Variants in FRMD6 observed in about 807,000 individuals in gnomAD.
FRMD6 encodes the protein FERM domain containing 6.
A neutral mutation model predicts 73.2 loss-of-function variants in FRMD6; 37 were observed. The ratio of observed to expected loss-of-function variants is 0.51; its 90% CI spans 0.39 to 0.66. The LOEUF is 0.66. Ranked by LOEUF, FRMD6 falls within the 30% of genes least tolerant of loss-of-function variation. The pLI is 0.00. For missense variants in FRMD6, 714 were observed against 780.5 expected (o/e 0.91, Z 1.02); for synonymous variants, 273 against 282.2 (o/e 0.97, Z 0.33).
At chr14:51,448,668 C>T in the FRMD6 span, among the ~76,000 whole-genome samples, 4 of 152,218 alleles carry the variant, frequency 2.6e-5, no homozygotes, top group Admixed American at 6.5e-5. Flanking sequence ...ACTGCTCTGT[C>T]TGTAGTTCAA....
At chr14:51,607,833 C>CTG (rs1890327428) in intron 2 of FRMD6, among the ~76,000 whole-genome samples, 1 of 152,250 alleles carries the variant, frequency 6.6e-6, no homozygotes, top group Non-Finnish European at 1.5e-5. Context: ...GAGTGCCACG[C>CTG]TGTGCTTGCG....
intron 1 of FRMD6, among the ~76,000 whole-genome samples, chr14:51,562,176 C>T (rs965455206): frequency 9.8e-5 from 15 of 152,328 alleles, no homozygotes; most frequent in African/African-American, 3.1e-4. Flanking sequence ...ATTTCTATCC[C>T]GCCCATCCCT....
intron 1 of FRMD6, among the ~76,000 whole-genome samples, chr14:51,660,471 T>C (rs1893139177): frequency 6.6e-6 from 1 of 152,082 alleles, no homozygotes; most frequent in Non-Finnish European, 1.5e-5. Context: ...ATGTGCAAGA[T>C]CTGGTAAAAA....
At chr14:51,629,132 C>G (rs578097388) in intron 2 of FRMD6, among the ~76,000 whole-genome samples, 5 of 152,180 alleles carry the variant, frequency 3.3e-5, no homozygotes, top group African/African-American at 7.2e-5. Context: ...GCCCGCCTCG[C>G]CCTCCCAAAG....
chr14:51,608,066 A>G (rs1890336890), intron 2 of FRMD6, among the ~76,000 whole-genome samples: 1 of 152,066 alleles, frequency 6.6e-6, no homozygotes, highest in Admixed American at 6.5e-5. Context: ...AAACCCAGCT[A>G]TTTACTCTCT....
chr14:51,648,300 C>T (rs1458488161), upstream of FRMD6, among the ~76,000 whole-genome samples: 3 of 152,120 alleles, frequency 2.0e-5, no homozygotes, highest in South Asian at 4.1e-4. Flanking sequence ...TGTACAAATA[C>T]CACCTACCAA....
chr14:51,422,125 A>G, the FRMD6 span, among the ~76,000 whole-genome samples: 1 of 152,224 alleles, frequency 6.6e-6, no homozygotes, highest in Non-Finnish European at 1.5e-5. Flanking sequence ...ATACCATAAT[A>G]CAATTTACCC....
the FRMD6 span, among the ~76,000 whole-genome samples, chr14:51,482,272 G>A: frequency 6.6e-6 from 1 of 152,034 alleles, no homozygotes; most frequent in East Asian, 1.9e-4. Flanking sequence ...TTATGTCATG[G>A]CACACAAGCA....
rs758012202 is a variant in FRMD6 at position 51,727,736 on chromosome 14, A to T, written c.1585-9A>T. ...TTTAAAGTTGTTTCATCCTTCCCTT[A>T]TCTTGCAGACTATATGTCGGAAACC... On this transcript the variant is annotated splice_polypyrimidine_tract_variant and intron_variant, in intron 13 of 13. Coordinates refer to ENST00000344768, the MANE Select transcript of FRMD6 (RefSeq NM_001267046.2). 1.9e-6 allele frequency: 3 copies of T among 1,586,576 alleles called. No homozygotes were observed. In the South Asian group the frequency reaches 3.4e-5, roughly 18 times the overall value.
intron 2 of FRMD6, among the ~76,000 whole-genome samples, chr14:51,602,314 G>A (rs1475473606): frequency 1.3e-5 from 2 of 152,306 alleles, no homozygotes; most frequent in East Asian, 3.9e-4. Flanking sequence ...GGGTTGGAAA[G>A]AGAATTCTCA....
At chr14:51,460,936 A>C in the FRMD6 span, among the ~76,000 whole-genome samples, 8 of 152,140 alleles carry the variant, frequency 5.3e-5, no homozygotes, top group Non-Finnish European at 1.2e-4. Flanking sequence ...TAAACATTAG[A>C]AGTATTGGCT....
the FRMD6 span, among the ~76,000 whole-genome samples, chr14:51,413,045 C>T: frequency 6.8e-5 from 10 of 147,630 alleles, no homozygotes; most frequent in Admixed American, 6.8e-5. Flanking sequence ...GGCTGGAGCG[C>T]AGTGGCGTGA....
rs576946784 is a variant in FRMD6 at position 51,640,143 on chromosome 14, C to A, written c.-146-49548C>A. On this transcript the variant is annotated intron_variant, in intron 2 of 14. Coordinates refer to the FRMD6 transcript ENST00000356218. ...AACATCCCAGAAAATTAAAAACAGG[C>A]AGTCCTTCCCCAATCTGAATTAGAT... 7.9e-5 allele frequency among the ~76,000 whole-genome samples: 12 copies of A among 152,234 alleles called. No homozygotes were observed. In the South Asian group the frequency reaches 2.5e-3, roughly 32 times the overall value.
chr14:51,497,896 G>A (rs1883396724), intron 1 of FRMD6, among the ~76,000 whole-genome samples: 1 of 152,174 alleles, frequency 6.6e-6, no homozygotes, highest in Non-Finnish European at 1.5e-5. Flanking sequence ...CCAGTTGAGA[G>A]TCTACTCAGA....
chr14:51,426,052 G>A, the FRMD6 span, among the ~76,000 whole-genome samples: 1 of 151,994 alleles, frequency 6.6e-6, no homozygotes, highest in South Asian at 2.1e-4. Context: ...TCTCATAATT[G>A]TTAACAATCT....
the FRMD6 span, among the ~76,000 whole-genome samples, chr14:51,451,924 C>T: frequency 1.4e-4 from 21 of 152,302 alleles, no homozygotes; most frequent in African/African-American, 4.8e-4. Flanking sequence ...TATAGCAATG[C>T]AAAACAGATT....
At position 51,722,036 on chromosome 14, in the gene FRMD6, TC is replaced by T; in HGVS notation, c.1449del (p.Thr484GlnfsTer10). ...GTCAGCCCAGACATGTGCATCTACA[TC>T]ACAGAGGACATGCTCATGTCGCGGA... The part of the protein sequence containing the change: ...LEVSPDMCIY[I>X]TEDMLMSRKL... On this transcript the variant is annotated frameshift_variant, in exon 12 of 14. Transcript: ENST00000344768. LOFTEE classifies it high-confidence loss of function. 1 of 1,614,122 alleles carries T rather than the reference TC, an allele frequency of 6.2e-7. No individual in the cohort carries two copies. Among genetic ancestry groups the T allele is most frequent in the Middle Eastern group, 1.6e-4 (1 of 6,062 alleles).
chr14:51,709,157 A>C (rs537520697), intron 7 of FRMD6, among the ~76,000 whole-genome samples: 28 of 152,306 alleles, frequency 1.8e-4, no homozygotes, highest in African/African-American at 6.7e-4. Context: ...AAATGGATGA[A>C]GTGGTTAAGA....
chr14:51,488,445 G>A (rs1882827448), upstream of FRMD6, among the ~76,000 whole-genome samples: 1 of 152,182 alleles, frequency 6.6e-6, no homozygotes, highest in Non-Finnish European at 1.5e-5. Flanking sequence ...CAGTTTAAGG[G>A]ATTTATTCAA....
Sources: gnomAD v4.1 joint callset for allele counts (sites outside exome capture counted in the v4.1 genomes callset) on GRCh38, gnomAD v4.1.1 for gene constraint, MANE v1.5 for transcripts, NCBI Gene and HGNC (gene_info 2026-07-23, HGNC 2026-07-21) for gene names.